Variants in ABHD4 observed in about 807,000 individuals in gnomAD.
ABHD4 encodes the protein (Lyso)-N-acylphosphatidylethanolamine lipase.
ABHD4 carries 35 observed loss-of-function variants against 42.3 expected under a neutral mutation model. That is an observed-to-expected ratio of 0.83 (90% CI 0.63 to 1.10). ABHD4 has a LOEUF of 1.10. Among genes scored for constraint, ABHD4 ranks in the 50% least tolerant of loss-of-function variants. The probability of loss-of-function intolerance (pLI) is 0.00; values close to 1 mark genes in which losing one functional copy is unlikely to be tolerated. For synonymous variants in ABHD4, 169 were observed against 170.6 expected, an observed-to-expected ratio of 0.99 and a Z score of 0.07; for missense variants, 389 against 454.8, an observed-to-expected ratio of 0.86 and a Z score of 1.32.
chr14:22,599,245 G>A (rs549414639), intron 1 of ABHD4, among the ~76,000 whole-genome samples: 3 of 152,330 alleles, frequency 2.0e-5, no homozygotes, highest in African/African-American at 7.2e-5. Context: ...TTTTCCAAGA[G>A]GAAATTTGCA....
At chr14:22,607,674 G>C (rs1451924775) in intron 5 of ABHD4, among the ~76,000 whole-genome samples, 1 of 152,120 alleles carries the variant, frequency 6.6e-6, no homozygotes, top group African/African-American at 2.4e-5. Flanking sequence ...AGCCCCCATG[G>C]GCTCAGTGCC....
chr14:22,603,070 T>C (rs2037304764), intron 2 of ABHD4, among the ~76,000 whole-genome samples: 1 of 152,212 alleles, frequency 6.6e-6, no homozygotes, highest in Admixed American at 6.5e-5. Context: ...TGATCAAATA[T>C]GAAGGAATTC....
At chr14:22,600,899 A>C in intron 1 of ABHD4, among the ~76,000 whole-genome samples, 1 of 147,172 alleles carries the variant, frequency 6.8e-6, no homozygotes, top group Admixed American at 6.9e-5. Context: ...TGGTGCTTTT[A>C]ACCTCTACCT....
chr14:22,598,751 G>T (rs1002734384), intron 1 of ABHD4: 1 of 359,534 alleles, frequency 2.8e-6, no homozygotes, highest in Non-Finnish European at 5.4e-6. Context: ...TCCTCCCTCC[G>T]CCCGGCAAAG....
At chr14:22,609,949 G>A (rs1396206361) in intron 6 of ABHD4, 39 bp downstream of exon 6, 4 of 1,598,386 alleles carry the variant, frequency 2.5e-6, no homozygotes, top group Non-Finnish European at 3.4e-6. Flanking sequence ...TGATGACTGA[G>A]AGTCAATCAC....
At chr14:22,600,117 T>C in intron 1 of ABHD4, 1 of 454,776 alleles carries the variant, frequency 2.2e-6, no homozygotes, top group South Asian at 1.6e-5. Flanking sequence ...ATGAGGTAGA[T>C]ATTATTACCT....
chr14:22,604,723 C>T (rs954874353), intron 4 of ABHD4, among the ~76,000 whole-genome samples: 3 of 152,108 alleles, frequency 2.0e-5, no homozygotes, highest in Non-Finnish European at 4.4e-5. Flanking sequence ...CATTCCCCTG[C>T]CTGAGCCTCC....
intron 5 of ABHD4, among the ~76,000 whole-genome samples, chr14:22,608,024 T>A (rs957637832): frequency 2.0e-5 from 3 of 152,224 alleles, no homozygotes; most frequent in African/African-American, 7.2e-5. Context: ...AGGGGCTTTG[T>A]ATATATTTTT....
chr14:22,603,856 C>T lies in ABHD4; in HGVS notation c.486-69C>T, dbSNP rs12879942. On this transcript the variant is annotated intron_variant, in intron 3 of 6. Coordinates refer to ENST00000428304, the MANE Select transcript of ABHD4 (RefSeq NM_022060.3). The stretch of plus-strand genomic sequence containing the variant: ...TTTCCAAACTTCTCTCATTCCCAGG[C>T]GATTTAAGGGGCTATGGCAACTACC... 22 of 1,591,122 alleles carry T rather than the reference C, an allele frequency of 1.4e-5. No homozygotes were observed. In the African/African-American group the frequency reaches 2.2e-4, roughly 16 times the overall value.
intron 3 of ABHD4, 47 bp from the exon 4 acceptor site, chr14:22,603,878 T>C (rs2139265937): frequency 6.2e-7 from 1 of 1,606,030 alleles, no homozygotes; most frequent in Non-Finnish European, 8.5e-7. Flanking sequence ...CTATGGCAAC[T>C]ACCAGAGAAT....
Position 22,603,932 on chromosome 14 carries a change from C to G in ABHD4, c.493C>G (p.His165Asp). ...YSIKYPDRVK[H>D]LILVDPWGFP... ...TTTCCGCCTTTAACATAGAGTTAAA[C>G]ACCTCATCCTGGTGGACCCATGGGG... Residue 165 changes from histidine (H) to aspartate (D), a missense_variant, in exon 4 of 7, where the codon CAC becomes GAC. Coordinates refer to ENST00000428304, the MANE Select transcript of ABHD4 (RefSeq NM_022060.3). The G allele has an allele frequency of 6.2e-7, 1 of 1,614,136 alleles. No homozygotes were observed. The highest frequency in any genetic ancestry group is 8.5e-7 in the Non-Finnish European group (1 of 1,180,004).
In ABHD4 at chr14:22,612,070, A is replaced by T. The variant is rs1490335244; in HGVS notation, c.*1122A>T. On this transcript the variant is annotated 3_prime_UTR_variant, in exon 7 of 7. Transcript: ENST00000428304. ...CAGCCACAAGTTCCCTGTCCTTATC[A>T]GCCACTGGGTGGTTCCCACTGCATG... The T allele has an allele frequency of 2.6e-5, 4 of 152,714 alleles. No homozygotes were observed. The highest frequency in any genetic ancestry group is 9.6e-5 in the African/African-American group (4 of 41,460). The allele number at this position is 152,714 out of a possible 1,614,324, so 9.5% of individuals were successfully genotyped here. A position where few individuals can be genotyped will look rare whatever the true frequency, so the allele number is the denominator to read the frequency against.
At chr14:22,598,498 G>T in intron 1 of ABHD4, 169 bp downstream of exon 1, 5 of 1,532,420 alleles carry the variant, frequency 3.3e-6, no homozygotes, top group Non-Finnish European at 3.5e-6. Context: ...CATTTGCCCA[G>T]AAGAGGCAGC....
intron 2 of ABHD4, among the ~76,000 whole-genome samples, chr14:22,602,475 G>A (rs143488646): frequency 2.2e-3 from 329 of 152,254 alleles, no homozygotes; most frequent in African/African-American, 7.6e-3. Flanking sequence ...CACCCAGGCA[G>A]CTCTTCCCGG....
At chr14:22,607,309 C>T (rs1182915787) in intron 5 of ABHD4, among the ~76,000 whole-genome samples, 1 of 152,054 alleles carries the variant, frequency 6.6e-6, no homozygotes, top group East Asian at 1.9e-4. Flanking sequence ...AGGTAATCCT[C>T]TTATGTGGAA....
At position 22,610,143 on chromosome 14, in the gene ABHD4, C is replaced by T. The variant is rs534211512; in HGVS notation, c.939+233C>T. On this transcript the variant is annotated intron_variant, in intron 6 of 6. Coordinates refer to ENST00000428304, the MANE Select transcript of ABHD4 (RefSeq NM_022060.3). ...TACAATCTCGGCTCACTGCAACCTC[C>T]GCCTCCCGGGTTCAAGCGATTCTTC... is the stretch of plus-strand genomic sequence containing the variant. 2.6e-5 allele frequency among the ~76,000 whole-genome samples: 4 copies of T among 152,112 alleles called. No individual in the cohort carries two copies. In the South Asian group the frequency reaches 6.2e-4, roughly 24 times the overall value.
At chr14:22,600,038 G>C (rs1454059677) in intron 1 of ABHD4, 2 of 292,282 alleles carry the variant, frequency 6.8e-6, no homozygotes, top group African/African-American at 4.5e-5. Context: ...AAGTTGATTG[G>C]GAGTTTGTGC....
At chr14:22,604,119 C>T (rs764965991) in intron 4 of ABHD4, 40 bp downstream of exon 4, 16 of 1,602,674 alleles carry the variant, frequency 1.0e-5, no homozygotes, top group Admixed American at 6.7e-5. Context: ...AAGGCTATAA[C>T]GTTCTAGAAG....
At position 22,603,954 on chromosome 14, in the gene ABHD4, G is replaced by A. The variant is rs1325676616; in HGVS notation, c.515G>A (p.Trp172Ter). 4 of 1,614,200 alleles carry A rather than the reference G, an allele frequency of 2.5e-6. No individual in the cohort carries two copies. The East Asian group carries it at 8.9e-5, about 36-fold the overall frequency. Residue 172 changes from tryptophan to a stop codon, truncating the protein, a stop_gained, in exon 4 of 7, where the codon TGG (tryptophan) becomes TAG (stop). Coordinates refer to ENST00000428304, the MANE Select transcript of ABHD4 (RefSeq NM_022060.3). LOFTEE classifies it high-confidence loss of function. ...AAACACCTCATCCTGGTGGACCCAT[G>A]GGGCTTTCCCCTCCGACCAACTAAC... ...RVKHLILVDP[W>*]GFPLRPTNPS...
Sources: gnomAD v4.1 joint callset for allele counts (sites outside exome capture counted in the v4.1 genomes callset) on GRCh38, gnomAD v4.1.1 for gene constraint, MANE v1.5 for transcripts, NCBI Gene and HGNC (gene_info 2026-07-23, HGNC 2026-07-21) for gene names.